SIN3A: variants seen among roughly 807,000 people sequenced by gnomAD.
SIN3A encodes paired amphipathic helix protein Sin3a.
A neutral mutation model predicts 146.1 loss-of-function variants in SIN3A; 14 were observed. The ratio of observed to expected loss-of-function variants is 0.10; its 90% CI spans 0.06 to 0.15. SIN3A has a LOEUF of 0.15. Ranked by LOEUF, SIN3A falls within the 10% of genes least tolerant of loss-of-function variation. SIN3A has a pLI of 1.00. For synonymous variants in SIN3A, 572 were observed against 572.0 expected, an observed-to-expected ratio of 1.00 and a Z score of 0.00; for missense variants, 1,028 against 1,576.0, an observed-to-expected ratio of 0.65 and a Z score of 5.89.
intron 10 of SIN3A, 48 bp from the exon 11 acceptor site, chr15:75,400,988 G>C: frequency 7.5e-7 from 1 of 1,339,732 alleles, no homozygotes; most frequent in South Asian, 1.2e-5. Flanking sequence ...GCAGGATGCA[G>C]TTATCCTGAG....
Position 75,375,866 on chromosome 15 carries a change from T to C in SIN3A, c.3390A>G (p.Leu1130=), listed in dbSNP as rs145577994. The C allele has an allele frequency of 4.3e-6, 7 of 1,613,912 alleles. No individual in the cohort carries two copies. Among genetic ancestry groups the C allele is most frequent in the East Asian group, 2.2e-5 (1 of 44,898 alleles). ...CACGTTGACACTTCCGGATCCGCCG[T>C]AGATTCCTATTGCAGAAAAGCCCCG... The part of the protein sequence containing the change: ...AQKPVFLPRN[L]RRIRKCQRGR... The change falls in exon 20 of 21, where the codon CTA becomes CTG. Residue 1130 remains leucine (L), a synonymous_variant. Coordinates refer to ENST00000394947, the MANE Select transcript of SIN3A (RefSeq NM_001145358.2).
chr15:75,381,541 G>A (rs1245687931), intron 18 of SIN3A, 72 bp downstream of exon 18: 1 of 1,161,490 alleles, frequency 8.6e-7, no homozygotes, highest in Admixed American at 2.0e-5. Flanking sequence ...TGGCAGACAG[G>A]GTCACTGGAC....
intron 10 of SIN3A, among the ~76,000 whole-genome samples, chr15:75,401,373 A>G (rs937161566): frequency 1.3e-5 from 2 of 152,118 alleles, no homozygotes; most frequent in South Asian, 2.1e-4. Context: ...ACTAAAAAAC[A>G]TAACAAAAAT....
chr15:75,383,509 G>C (rs1030346592), intron 17 of SIN3A, among the ~76,000 whole-genome samples: 1 of 150,288 alleles, frequency 6.7e-6, no homozygotes, highest in Non-Finnish European at 1.5e-5. Context: ...CTGCAGCCTC[G>C]ACCTCCCAGG....
At chr15:75,412,680 A>G in intron 5 of SIN3A, 83 bp downstream of exon 5, 1 of 1,323,882 alleles carries the variant, frequency 7.6e-7, no homozygotes, top group East Asian at 2.5e-5. Flanking sequence ...TCAGTATCTA[A>G]GTCTTATATA....
chr15:75,432,856 A>T (rs1166486036), intron 1 of SIN3A, among the ~76,000 whole-genome samples: 2 of 152,094 alleles, frequency 1.3e-5, no homozygotes, highest in African/African-American at 4.8e-5. Context: ...CAGCCAGGCC[A>T]ACATGGTGAA....
chr15:75,404,969 C>G (rs985085415), intron 9 of SIN3A, among the ~76,000 whole-genome samples: 2 of 151,680 alleles, frequency 1.3e-5, no homozygotes, highest in Non-Finnish European at 2.9e-5. Context: ...AACATTGAGA[C>G]CCCCTCTCTC....
At chr15:75,442,667 C>T (rs376576942) in intron 1 of SIN3A, among the ~76,000 whole-genome samples, 4 of 149,358 alleles carry the variant, frequency 2.7e-5, no homozygotes, top group East Asian at 3.9e-4. Context: ...TGGTGGCTCA[C>T]GACTGTAATC....
intron 1 of SIN3A, among the ~76,000 whole-genome samples, chr15:75,444,994 C>CT (rs2074279701): frequency 6.6e-6 from 1 of 151,254 alleles, no homozygotes; most frequent in Non-Finnish European, 1.5e-5. Context: ...CTTTGGGTGT[C>CT]TGAGGCAGGT....
At chr15:75,410,580 G>C (rs930702147) in intron 6 of SIN3A, among the ~76,000 whole-genome samples, 1 of 151,942 alleles carries the variant, frequency 6.6e-6, no homozygotes, top group Non-Finnish European at 1.5e-5. Flanking sequence ...GGGATTACAG[G>C]CGTGAGACAC....
At chr15:75,428,697 A>G (rs944224028) in intron 2 of SIN3A, among the ~76,000 whole-genome samples, 3 of 151,996 alleles carry the variant, frequency 2.0e-5, no homozygotes, top group Admixed American at 6.6e-5. Context: ...GGGGCTTGCT[A>G]TGTTGCCCAG....
rs1344928665 is a variant in SIN3A at position 75,381,645 on chromosome 15, C to G, written c.3256G>C (p.Glu1086Gln). The G allele has an allele frequency of 2.2e-5, 35 of 1,613,924 alleles. No homozygotes were observed. Among genetic ancestry groups the G allele is most frequent in the Non-Finnish European group, 3.0e-5 (35 of 1,179,982 alleles). Residue 1086 changes from glutamate (E) to glutamine (Q), a missense_variant, in exon 18 of 21, where the codon GAG becomes CAG. Physicochemically the swap from Glu to Gln is conservative, Grantham distance 29. Transcript: ENST00000394947. ...QLTIELLDTE[E>Q]ENSDDPVEAE... ...TCCACAGGGTCATCCGAATTCTCCT[C>G]TTCTGTGTCCAGAAGCTCAATAGTC...
intron 20 of SIN3A, 84 bp from the exon 21 acceptor site, chr15:75,372,293 A>C: frequency 1.2e-6 from 1 of 830,084 alleles, no homozygotes; most frequent in Non-Finnish European, 1.8e-6. Flanking sequence ...TTTTCTTCTA[A>C]AGGAGCAAAG....
At position 75,434,563 on chromosome 15, in the gene SIN3A, T is replaced by C. The variant is rs2074069734; in HGVS notation, c.-33-4155A>G. On this transcript the variant is annotated intron_variant, in intron 1 of 20. Transcript: ENST00000394947. ...TACTCAGGAGGCTGAGGCACGAGAA[T>C]CACTTGAACCTGGGAGGTGGAGGTT... Among the ~76,000 whole-genome samples, 4 of 150,920 alleles carry C rather than the reference T, an allele frequency of 2.7e-5. No individual in the cohort carries two copies. The South Asian group carries it at 8.4e-4, about 32-fold the overall frequency.
intron 17 of SIN3A, among the ~76,000 whole-genome samples, chr15:75,383,110 A>G (rs1303983749): frequency 2.8e-5 from 4 of 144,836 alleles, no homozygotes; most frequent in African/African-American, 5.0e-5. Context: ...CCATCTCGGG[A>G]AAAAAAAAAA....
intron 1 of SIN3A, among the ~76,000 whole-genome samples, chr15:75,438,984 A>G (rs2074153431): frequency 6.6e-6 from 1 of 152,242 alleles, no homozygotes; most frequent in South Asian, 2.1e-4. Flanking sequence ...GATTTCATAT[A>G]TTGATTAGAA....
At chr15:75,392,869 G>T in intron 14 of SIN3A, 54 bp from the exon 15 acceptor site, 1 of 1,300,590 alleles carries the variant, frequency 7.7e-7, no homozygotes, top group South Asian at 1.3e-5. Flanking sequence ...GCGACAACAT[G>T]TCTACAAGAC....
chr15:75,415,551 C>A, intron 3 of SIN3A: 1 of 196,868 alleles, frequency 5.1e-6, no homozygotes, highest in Non-Finnish European at 1.0e-5. Context: ...AGCCAGAGCC[C>A]AACCCTAAAA....
intron 1 of SIN3A, among the ~76,000 whole-genome samples, chr15:75,448,430 G>C (rs954711091): frequency 2.1e-4 from 31 of 149,906 alleles, no homozygotes; most frequent in Admixed American, 1.4e-3. Context: ...GGAGGCGGAA[G>C]TTGCAGTGAG....
Sources: allele counts gnomAD v4.1 joint callset (sites outside exome capture counted in the v4.1 genomes callset), GRCh38; gene constraint gnomAD v4.1.1; transcripts MANE v1.5; gene names NCBI Gene and HGNC (gene_info 2026-07-23, HGNC 2026-07-21).